Variants in PPP1R14C observed in about 807,000 individuals in gnomAD.
PPP1R14C encodes the protein protein phosphatase 1 regulatory subunit 14C.
A neutral mutation model predicts 20.4 loss-of-function variants in PPP1R14C; 16 were observed. That is an observed-to-expected ratio of 0.78 (90% CI 0.53 to 1.19). The LOEUF is 1.19. Among genes scored for constraint, PPP1R14C ranks in the 50% most tolerant of loss-of-function variants. The pLI is 0.00. For missense variants in PPP1R14C, 211 were observed against 220.1 expected, an observed-to-expected ratio of 0.96 and a Z score of 0.26; for synonymous variants, 91 against 91.0, an observed-to-expected ratio of 1.00 and a Z score of 0.00.
At chr6:150,237,553 G>A (rs1778377113) in intron 3 of PPP1R14C, among the ~76,000 whole-genome samples, 1 of 152,172 alleles carries the variant, frequency 6.6e-6, no homozygotes. Context: ...GTTCAGTGTA[G>A]TCTGATGATG....
intron 1 of PPP1R14C, among the ~76,000 whole-genome samples, chr6:150,175,311 T>C (rs1338082762): frequency 6.6e-6 from 1 of 152,184 alleles, no homozygotes; most frequent in Admixed American, 6.5e-5. Context: ...GGGCCCCCAC[T>C]CTGAGCTGGG....
At chr6:150,224,814 AT>A (rs893803125) in intron 3 of PPP1R14C, among the ~76,000 whole-genome samples, 8 of 151,680 alleles carry the variant, frequency 5.3e-5, no homozygotes, top group Middle Eastern at 3.4e-3. Context: ...GTGTGTTATA[AT>A]TTTTTTTTGA....
In PPP1R14C at chr6:150,162,061, C is replaced by CTT. The variant is rs35656436; in HGVS notation, c.306+18574_306+18575dup. 7.7e-3 allele frequency among the ~76,000 whole-genome samples: 1,112 copies of CTT among 143,484 alleles called. 8 individuals are homozygous for CTT. The highest frequency in any genetic ancestry group is 0.011 in the Non-Finnish European group (712 of 66,070). The allele number at this position is 143,484 out of a possible 152,430, so 94.1% of individuals were successfully genotyped here. On this transcript the variant is annotated intron_variant, in intron 1 of 3. Coordinates refer to ENST00000361131, the MANE Select transcript of PPP1R14C (RefSeq NM_030949.3). ...CTCCGTTTATTTTCTTTTCTTTTTT[C>CTT]TTTTTTTTTTTTGAGACGGAGTCTT...
chr6:150,230,571 T>G (rs1383560342), intron 3 of PPP1R14C, among the ~76,000 whole-genome samples: 1 of 152,160 alleles, frequency 6.6e-6, no homozygotes, highest in African/African-American at 2.4e-5. Context: ...TGTTGTTTGT[T>G]TGTCTGTTTT....
At chr6:150,163,983 A>G (rs1233056697) in intron 1 of PPP1R14C, among the ~76,000 whole-genome samples, 2 of 152,248 alleles carry the variant, frequency 1.3e-5, no homozygotes, top group African/African-American at 4.8e-5. Flanking sequence ...GCACCAATCT[A>G]CATGCCCACT....
intron 3 of PPP1R14C, among the ~76,000 whole-genome samples, chr6:150,227,402 A>G (rs565877330): frequency 6.6e-6 from 1 of 152,352 alleles, no homozygotes; most frequent in Non-Finnish European, 1.5e-5. Flanking sequence ...TTCAAAGAAC[A>G]TTTAGGAATG....
chr6:150,210,566 G>C (rs1003823999), intron 1 of PPP1R14C, among the ~76,000 whole-genome samples: 1 of 152,152 alleles, frequency 6.6e-6, no homozygotes, highest in Non-Finnish European at 1.5e-5. Context: ...TGGAGCCATG[G>C]AGCCTTCAGT....
chr6:150,181,835 T>G (rs560109018), intron 1 of PPP1R14C, among the ~76,000 whole-genome samples: 154 of 152,368 alleles, frequency 1.0e-3, no homozygotes, highest in African/African-American at 3.3e-3. Flanking sequence ...TATTTATGAT[T>G]TTGATCTACG....
intron 1 of PPP1R14C, among the ~76,000 whole-genome samples, chr6:150,153,895 A>G (rs1308889325): frequency 1.3e-5 from 2 of 152,254 alleles, no homozygotes. Flanking sequence ...TATTTGTTCA[A>G]CAGATAACAT....
chr6:150,175,427 A>C (rs1477385549), intron 1 of PPP1R14C, among the ~76,000 whole-genome samples: 7 of 152,220 alleles, frequency 4.6e-5, no homozygotes, highest in Non-Finnish European at 1.0e-4. Flanking sequence ...CTAAGGATGC[A>C]GAGCTCTGAT....
intron 3 of PPP1R14C, among the ~76,000 whole-genome samples, chr6:150,241,561 G>C (rs1230359591): frequency 1.3e-5 from 2 of 152,120 alleles, no homozygotes; most frequent in Non-Finnish European, 2.9e-5. Context: ...TTAACCCGTA[G>C]CATCTAACTC....
intron 1 of PPP1R14C, among the ~76,000 whole-genome samples, chr6:150,207,645 TG>T (rs1777970450): frequency 6.6e-6 from 1 of 152,376 alleles, no homozygotes; most frequent in Admixed American, 6.5e-5. Flanking sequence ...TACATGAAGA[TG>T]TAAGACCTAA....
intron 1 of PPP1R14C, among the ~76,000 whole-genome samples, chr6:150,208,597 T>C (rs1777982648): frequency 6.6e-6 from 1 of 152,226 alleles, no homozygotes; most frequent in South Asian, 2.1e-4. Context: ...TACCAGCTAA[T>C]GAAACTCAAA....
At chr6:150,182,912 C>T (rs1777637933) in intron 1 of PPP1R14C, among the ~76,000 whole-genome samples, 1 of 152,184 alleles carries the variant, frequency 6.6e-6, no homozygotes, top group Non-Finnish European at 1.5e-5. Context: ...CAAACCTGTG[C>T]ATGTGACCAT....
intron 3 of PPP1R14C, among the ~76,000 whole-genome samples, chr6:150,243,850 A>T (rs1005103385): frequency 3.3e-5 from 5 of 152,240 alleles, no homozygotes; most frequent in Non-Finnish European, 7.3e-5. Flanking sequence ...AAAGGAATGA[A>T]CTATTAATCC....
At chr6:150,211,773 G>A (rs1006413024) in intron 1 of PPP1R14C, among the ~76,000 whole-genome samples, 1 of 152,168 alleles carries the variant, frequency 6.6e-6, no homozygotes, top group East Asian at 1.9e-4. Context: ...TTTTGTTTCA[G>A]CTTCACTGAC....
At chr6:150,148,653 C>T (rs1323627758) in intron 1 of PPP1R14C, among the ~76,000 whole-genome samples, 1 of 152,172 alleles carries the variant, frequency 6.6e-6, no homozygotes, top group Non-Finnish European at 1.5e-5. Flanking sequence ...ACTTAGAACT[C>T]GTCTTGTGGA....
Position 150,214,730 on chromosome 6 carries a change from C to A in PPP1R14C, c.307-14C>A, listed in dbSNP as rs117656601. On this transcript the variant is annotated splice_polypyrimidine_tract_variant and intron_variant, in intron 1 of 3. Coordinates refer to ENST00000361131, the MANE Select transcript of PPP1R14C (RefSeq NM_030949.3). ...CTAAATTAAATGCCTTCATATCCTC[C>A]CACTGCCCCCCAGGAAGAAGAAATG... 1.9e-5 allele frequency: 31 copies of A among 1,606,886 alleles called. No individual in the cohort carries two copies. Among genetic ancestry groups the A allele is most frequent in the Non-Finnish European group, 2.5e-5 (29 of 1,174,162 alleles).
intron 1 of PPP1R14C, among the ~76,000 whole-genome samples, chr6:150,213,345 TAACA>T (rs527696676): frequency 1.4e-3 from 153 of 109,840 alleles, no homozygotes; most frequent in Middle Eastern, 4.0e-3. Flanking sequence ...TTTTGTGTTG[TAACA>T]CACACACACA....
Sources: gnomAD v4.1 joint callset for allele counts (sites outside exome capture counted in the v4.1 genomes callset) on GRCh38, gnomAD v4.1.1 for gene constraint, MANE v1.5 for transcripts, NCBI Gene and HGNC (gene_info 2026-07-23, HGNC 2026-07-21) for gene names.